The following MIPOL1 variants were observed in gnomAD, a reference collection of about 807,000 sequenced individuals.
The protein encoded by MIPOL1 is mirror-image polydactyly 1.
Under a neutral mutation model 60.9 loss-of-function variants are expected in MIPOL1, and 57 were observed. The observed-to-expected ratio is 0.94, with a 90% CI of 0.76 to 1.17. The LOEUF (loss-of-function observed/expected upper bound fraction) is 1.17, where lower values mean the gene tolerates loss of function less well. Among genes scored for constraint, MIPOL1 ranks in the 50% most tolerant of loss-of-function variants. The pLI, the probability that MIPOL1 is intolerant of heterozygous loss-of-function variation, is 0.00. For synonymous variants in MIPOL1, 179 were observed against 168.8 expected (o/e 1.06, Z -0.47); for missense variants, 551 against 511.6 (o/e 1.08, Z -0.74).
At chr14:37,435,070 G>A (rs2094142623) in intron 11 of MIPOL1, among the ~76,000 whole-genome samples, 1 of 152,062 alleles carries the variant, frequency 6.6e-6, no homozygotes, top group Admixed American at 6.5e-5. Context: ...TGAATTTAAA[G>A]TCATCTTCCT....
intron 9 of MIPOL1, among the ~76,000 whole-genome samples, chr14:37,356,488 G>A (rs561014800): frequency 0.012 from 1,886 of 152,224 alleles, 15 homozygotes; most frequent in Middle Eastern, 0.031. Flanking sequence ...GGGCAATGGC[G>A]GGCGCCCCTC....
chr14:37,386,073 A>G (rs1339295066), intron 10 of MIPOL1, among the ~76,000 whole-genome samples: 2 of 152,020 alleles, frequency 1.3e-5, no homozygotes, highest in Non-Finnish European at 2.9e-5. Flanking sequence ...GTTGAGTTTC[A>G]GCCTACCTGT....
At position 37,545,072 on chromosome 14, in the gene MIPOL1, A is replaced by T. The variant is rs558419270; in HGVS notation, c.1263-1833A>T. ...ACTTTTATATTGTGAAAAAGGTTTT[A>T]TCACTAGTTAGTAGTATAAATTATA... On this transcript the variant is annotated intron_variant, in intron 12 of 12. Coordinates refer to ENST00000684589, the MANE Select transcript of MIPOL1 (RefSeq NM_001388067.1). 8.5e-5 allele frequency among the ~76,000 whole-genome samples: 13 copies of T among 152,330 alleles called. No homozygotes were observed. The South Asian group carries it at 2.3e-3, about 27-fold the overall frequency.
chr14:37,253,526 T>C (rs542397894), intron 3 of MIPOL1, among the ~76,000 whole-genome samples: 2 of 151,726 alleles, frequency 1.3e-5, no homozygotes, highest in Admixed American at 6.6e-5. Context: ...AATAAATACA[T>C]AAAATAAAAA....
chr14:37,230,922 C>A (rs919173363), intron 1 of MIPOL1, among the ~76,000 whole-genome samples: 2 of 151,918 alleles, frequency 1.3e-5, no homozygotes, highest in African/African-American at 4.8e-5. Context: ...TAACTAGAGG[C>A]AAAATATAAT....
At chr14:37,312,096 T>C (rs1387846631) in intron 9 of MIPOL1, among the ~76,000 whole-genome samples, 1 of 152,140 alleles carries the variant, frequency 6.6e-6, no homozygotes, top group African/African-American at 2.4e-5. Flanking sequence ...TTTGCCTTAA[T>C]TTAATTTAAT....
Position 37,450,109 on chromosome 14 carries a change from G to A in MIPOL1, c.1031+27160G>A, listed in dbSNP as rs1260155987. On this transcript the variant is annotated intron_variant, in intron 11 of 12. Coordinates refer to ENST00000684589, the MANE Select transcript of MIPOL1 (RefSeq NM_001388067.1). ...ATTACAGGCCTGAGCCACCGTGCCTGGCCACCTTTCTTTTTTTTTGGATCT... is the reference window on the plus strand; with the variant it reads ...ATTACAGGCCTGAGCCACCGTGCCTAGCCACCTTTCTTTTTTTTTGGATCT... Among the ~76,000 whole-genome samples, 3 of 152,062 alleles carry A rather than the reference G, an allele frequency of 2.0e-5. No individual in the cohort carries two copies. In the East Asian group the frequency reaches 5.8e-4, roughly 29 times the overall value.
At chr14:37,374,821 C>G (rs1334002983) in intron 10 of MIPOL1, among the ~76,000 whole-genome samples, 2 of 152,144 alleles carry the variant, frequency 1.3e-5, no homozygotes, top group African/African-American at 4.8e-5. Flanking sequence ...TATCGTGATG[C>G]ATCCAGCTTT....
At chr14:37,416,610 G>T (rs1161874444) in intron 10 of MIPOL1, among the ~76,000 whole-genome samples, 1 of 152,124 alleles carries the variant, frequency 6.6e-6, no homozygotes, top group Non-Finnish European at 1.5e-5. Context: ...TATGTGGTCC[G>T]TTGTTGACCA....
intron 1 of MIPOL1, among the ~76,000 whole-genome samples, chr14:37,199,829 G>A (rs1964938857): frequency 6.6e-6 from 1 of 152,104 alleles, no homozygotes; most frequent in African/African-American, 2.4e-5. Flanking sequence ...CTGGCCATAT[G>A]TACATTTTTA....
intron 12 of MIPOL1, among the ~76,000 whole-genome samples, chr14:37,526,054 CA>C (rs527792343): frequency 3.8e-4 from 58 of 152,130 alleles, no homozygotes; most frequent in African/African-American, 1.4e-3. Context: ...GAGAGTATGG[CA>C]TATCAAACGT....
chr14:37,337,327 C>CATATATATATATATAT (rs545154376), intron 9 of MIPOL1, among the ~76,000 whole-genome samples: 1 of 30,912 alleles, frequency 3.2e-5, no homozygotes, highest in African/African-American at 1.6e-4. Context: ...CATTTGTAAA[C>CATATATATATATATAT]ATATATATAT....
chr14:37,390,913 A>G (rs1037673794), intron 10 of MIPOL1, among the ~76,000 whole-genome samples: 1 of 152,038 alleles, frequency 6.6e-6, no homozygotes, highest in African/African-American at 2.4e-5. Flanking sequence ...TTCAAACCAC[A>G]AATTCTTGAA....
At chr14:37,509,596 A>C (rs1004677748) in intron 12 of MIPOL1, among the ~76,000 whole-genome samples, 2 of 151,774 alleles carry the variant, frequency 1.3e-5, no homozygotes, top group African/African-American at 4.8e-5. Context: ...GTACATATAT[A>C]GTACAGATAC....
At chr14:37,315,206 T>C (rs572707464) in intron 9 of MIPOL1, among the ~76,000 whole-genome samples, 1 of 152,284 alleles carries the variant, frequency 6.6e-6, no homozygotes, top group Non-Finnish European at 1.5e-5. Context: ...CAGAGAGCTA[T>C]GGAAAGAGCA....
chr14:37,395,900 C>T (rs533240737), intron 10 of MIPOL1, among the ~76,000 whole-genome samples: 24 of 152,120 alleles, frequency 1.6e-4, no homozygotes, highest in African/African-American at 5.8e-4. Context: ...TTATGTGAGT[C>T]CTTATGTGTT....
intron 11 of MIPOL1, among the ~76,000 whole-genome samples, chr14:37,487,987 C>G (rs977836048): frequency 1.3e-5 from 2 of 152,170 alleles, no homozygotes; most frequent in South Asian, 2.1e-4. Context: ...TAAATTTCCC[C>G]CTAGACACTG....
Position 37,548,114 on chromosome 14 carries a change from C to G in MIPOL1, c.*1143C>G, listed in dbSNP as rs1319943071. On this transcript the variant is annotated 3_prime_UTR_variant, in exon 13 of 13. Transcript: ENST00000684589. ...TGTGCCTGGAACAGGATGAAATAGA[C>G]AAGTAGAGATTTAATTAGCAAAAAT... is the stretch of plus-strand genomic sequence containing the variant. 1 of 151,930 alleles carries G rather than the reference C, an allele frequency of 6.6e-6. No individual in the cohort carries two copies. The highest frequency in any genetic ancestry group is 2.4e-5 in the African/African-American group (1 of 41,402). 9.4% of individuals were successfully genotyped at this position (151,930 alleles called of 1,614,324 possible).
intron 1 of MIPOL1, among the ~76,000 whole-genome samples, chr14:37,216,062 C>CAAAAAA (rs71449980): frequency 1.2e-5 from 1 of 85,826 alleles, no homozygotes; most frequent in Non-Finnish European, 2.3e-5. Context: ...ACCTCCATCT[C>CAAAAAA]AAAAAAAAAA....
Sources: allele counts gnomAD v4.1 joint callset (sites outside exome capture counted in the v4.1 genomes callset), GRCh38; gene constraint gnomAD v4.1.1; transcripts MANE v1.5; gene names NCBI Gene and HGNC (gene_info 2026-07-23, HGNC 2026-07-21).